Variants in SRPX2 observed in about 807,000 individuals in gnomAD.
SRPX2 encodes sushi repeat containing protein X-linked 2.
In SRPX2, 26 loss-of-function variants were observed where a neutral mutation model predicts 45.3. That is an observed-to-expected ratio of 0.57 (90% confidence interval 0.42 to 0.80). The LOEUF is 0.80. SRPX2 is among the 30% of genes least tolerant of loss of function. The probability of loss-of-function intolerance (pLI) is 0.00; values close to 1 mark genes in which losing one functional copy is unlikely to be tolerated. For synonymous variants in SRPX2, 125 were observed against 143.7 expected (o/e 0.87, Z 0.93); for missense variants, 355 against 399.8 (o/e 0.89, Z 0.95).
chrX:100,663,882 CAGAG>C (rs1437828323), intron 4 of SRPX2, among the ~76,000 whole-genome samples: 2 of 112,085 alleles, frequency 1.8e-5, no homozygotes, highest in Non-Finnish European at 3.8e-5. Context: ...CTTGCCCAGA[CAGAG>C]AGTCAGCCCA....
intron 3 of SRPX2, among the ~76,000 whole-genome samples, chrX:100,661,230 A>G (rs1298880445): frequency 8.9e-6 from 1 of 111,748 alleles, no homozygotes; most frequent in Admixed American, 9.5e-5. Flanking sequence ...TTTAACTTGC[A>G]TTTCCCAAAT....
At chrX:100,667,468 A>G in intron 9 of SRPX2, 61 bp downstream of exon 9, 1 of 1,188,476 alleles carries the variant, frequency 8.4e-7, no homozygotes, top group Non-Finnish European at 1.1e-6. Flanking sequence ...CCTTTTCCAA[A>G]TCAGAGTTGT....
intron 10 of SRPX2, 67 bp from the exon 11 acceptor site, chrX:100,670,740 G>A (rs998889177): frequency 2.6e-6 from 3 of 1,157,615 alleles, no homozygotes; most frequent in South Asian, 3.6e-5. Context: ...AAAGTCAGAG[G>A]GTAGTAGAGC....
chrX:100,668,997 T>C (rs1462483053), intron 9 of SRPX2, among the ~76,000 whole-genome samples: 1 of 112,166 alleles, frequency 8.9e-6, no homozygotes, highest in Non-Finnish European at 1.9e-5. Context: ...ATTTACTCAT[T>C]GCATTTCTCT....
At position 100,670,960 on chromosome X, in the gene SRPX2, T is replaced by G. The variant is rs1487591555; in HGVS notation, c.1371T>G (p.Arg457=). The G allele has an allele frequency of 2.5e-6, 3 of 1,209,009 alleles. No homozygotes were observed. Among genetic ancestry groups the G allele is most frequent in the Non-Finnish European group, 3.4e-6 (3 of 894,790 alleles). ...TGAGCAATCAGGAGTTGACCCAGCG[T>G]CGGGAGCAAAGGGACATATGCGAGT... The part of the protein sequence containing the change: ...YLLSNQELTQ[R]REQRDICE Residue 457 remains arginine, a synonymous_variant, in exon 11 of 11, where the codon CGT becomes CGG. Transcript: ENST00000373004.
At chrX:100,651,224 C>A in intron 3 of SRPX2, 1 of 204,394 alleles carries the variant, frequency 4.9e-6, no homozygotes, top group Non-Finnish European at 8.9e-6. Flanking sequence ...ACATGTAGGG[C>A]AAGTAAGTGT....
chrX:100,646,045 T>A (rs950600297), intron 1 of SRPX2, 148 bp from the exon 2 acceptor site: 1 of 347,551 alleles, frequency 2.9e-6, no homozygotes, highest in African/African-American at 2.6e-5. Context: ...AGATGAAGAT[T>A]GGTTGTTTTA....
intron 2 of SRPX2, among the ~76,000 whole-genome samples, chrX:100,648,989 C>T (rs766800186): frequency 8.7e-4 from 98 of 112,475 alleles, no homozygotes; most frequent in African/African-American, 3.0e-3. Flanking sequence ...CCTGTTTCTT[C>T]GGCTTTATAT....
At position 100,665,248 on chromosome X, in the gene SRPX2, G is replaced by A. The variant is rs757793078; in HGVS notation, c.538G>A (p.Asp180Asn). The A allele has an allele frequency of 3.3e-6, 4 of 1,210,012 alleles. No individual in the cohort carries two copies. Among genetic ancestry groups the A allele is most frequent in the Non-Finnish European group, 4.5e-6 (4 of 894,724 alleles). Residue 180 changes from aspartate to asparagine, a missense_variant, in exon 6 of 11, where the codon GAT becomes AAT. Physicochemically the swap from Asp to Asn is conservative, Grantham distance 23 (BLOSUM62 1). Transcript: ENST00000373004. ...SGGEPVCVDI[D>N]PPKIRCPHSR... ...TTGATTTTTCATCTTGGCAGACATA[G>A]ATCCCCCCAAGATCCGCTGTCCCCA... is the stretch of plus-strand genomic sequence containing the variant.
intron 10 of SRPX2, among the ~76,000 whole-genome samples, 154 bp downstream of exon 10, chrX:100,669,523 T>C (rs1225655474): frequency 9.0e-6 from 1 of 111,165 alleles, no homozygotes; most frequent in African/African-American, 3.3e-5. Context: ...ATGGATGCAT[T>C]AGGTAAGACC....
chrX:100,644,722 AGGGAT>A (rs1387759990), intron 1 of SRPX2, among the ~76,000 whole-genome samples: 1 of 111,221 alleles, frequency 9.0e-6, no homozygotes, highest in Non-Finnish European at 1.9e-5. Context: ...CCCACAGCAG[AGGGAT>A]GGGATGGTTG....
intron 2 of SRPX2, chrX:100,650,345 G>A: frequency 6.6e-6 from 1 of 152,549 alleles, no homozygotes; most frequent in Non-Finnish European, 1.3e-5. Flanking sequence ...CCATAAGCAG[G>A]GCTGTCACTA....
intron 3 of SRPX2, among the ~76,000 whole-genome samples, chrX:100,652,713 A>G (rs1005064075): frequency 2.7e-5 from 3 of 111,820 alleles, no homozygotes; most frequent in Admixed American, 1.9e-4. Flanking sequence ...TCTGGCAAGA[A>G]GGAGGTAAAT....
chrX:100,648,896 CT>C (rs2083143399), intron 2 of SRPX2, among the ~76,000 whole-genome samples: 2 of 112,332 alleles, frequency 1.8e-5, no homozygotes, highest in African/African-American at 3.2e-5. Flanking sequence ...AGTTTGGTAT[CT>C]AGGGGGTCAA....
rs1031114088 is a variant in SRPX2, at chrX:100,647,638, A to C, written c.82+1234A>C. On this transcript the variant is annotated intron_variant, in intron 2 of 10. Transcript: ENST00000373004. ...CCAAAATCCAGCCAAAGACCACAGG[A>C]CTAAAGGAGTGGAGATTAGATGGCT... Among the ~76,000 whole-genome samples the C allele has an allele frequency of 1.5e-4, 17 of 112,501 alleles. 1 individual carries two copies. Among genetic ancestry groups the C allele is most frequent in the Admixed American group, 1.1e-3 (12 of 10,680 alleles).
chrX:100,646,443 G>T (rs745675987), intron 2 of SRPX2, 39 bp downstream of exon 2: 5 of 1,132,856 alleles, frequency 4.4e-6, no homozygotes, highest in Non-Finnish European at 6.1e-6. Context: ...TTCCAGGAAG[G>T]ATAGGTCCTA....
At chrX:100,650,703 A>G (rs1261239742) in intron 2 of SRPX2, 82 bp from the exon 3 acceptor site, 1 of 941,462 alleles carries the variant, frequency 1.1e-6, no homozygotes, top group African/African-American at 1.9e-5. Context: ...GGAAGTGACA[A>G]AGTTGGATGA....
intron 2 of SRPX2, among the ~76,000 whole-genome samples, chrX:100,648,965 C>T (rs2083143626): frequency 8.9e-6 from 1 of 112,503 alleles, no homozygotes; most frequent in Non-Finnish European, 1.9e-5. Flanking sequence ...CCTTGGTTCT[C>T]TTGGTTCCTC....
chrX:100,662,233 C>T lies in SRPX2; in HGVS notation c.221C>T (p.Pro74Leu), dbSNP rs773892997. 25 of 1,209,792 alleles carry T rather than the reference C, an allele frequency of 2.1e-5. No homozygotes were observed. The Admixed American group carries it at 4.6e-4, about 22-fold the overall frequency. Residue 74 changes from proline (P) to leucine (L), a missense_variant, in exon 4 of 11, where the codon CCG becomes CTG. By Grantham distance (98) the Pro-to-Leu change is moderately conservative. Transcript: ENST00000373004. ...IQDGEATCYSPKGGNYHSSLG... is the reference protein window; with the variant it reads ...IQDGEATCYSLKGGNYHSSLG... ...GATGGAGAAGCCACATGCTACTCAC[C>T]GAAGGGAGGAAATTATCACAGCAGC... is the stretch of plus-strand genomic sequence containing the variant.
Sources: allele counts gnomAD v4.1 joint callset (sites outside exome capture counted in the v4.1 genomes callset), GRCh38; gene constraint gnomAD v4.1.1; transcripts MANE v1.5; gene names NCBI Gene and HGNC (gene_info 2026-07-23, HGNC 2026-07-21).